The following ST6GALNAC3 variants were observed in gnomAD, a reference collection of about 807,000 sequenced individuals.
ST6GALNAC3 encodes alpha-N-acetylgalactosaminide alpha-2,6-sialyltransferase 3.
In ST6GALNAC3, 25 loss-of-function variants were observed where a neutral mutation model predicts 32.7. The ratio of observed to expected loss-of-function variants is 0.76; its 90% CI spans 0.56 to 1.07. The LOEUF is 1.07. Ranked by LOEUF, ST6GALNAC3 falls within the 50% of genes least tolerant of loss-of-function variation. The pLI is 0.00. For synonymous variants in ST6GALNAC3, 129 were observed against 133.1 expected (o/e 0.97, Z 0.21); for missense variants, 355 against 382.4 (o/e 0.93, Z 0.60).
At chr1:76,126,611 A>G (rs1450747811) in intron 1 of ST6GALNAC3, among the ~76,000 whole-genome samples, 1 of 152,168 alleles carries the variant, frequency 6.6e-6, no homozygotes, top group Non-Finnish European at 1.5e-5. Flanking sequence ...TCTGAGACGC[A>G]GCACTCAGCA....
chr1:76,593,720 C>A (rs1214284431), intron 3 of ST6GALNAC3, among the ~76,000 whole-genome samples: 1 of 152,074 alleles, frequency 6.6e-6, no homozygotes, highest in African/African-American at 2.4e-5. Flanking sequence ...TTTTTGAGTG[C>A]CTACTCCTTG....
At chr1:76,442,167 T>A (rs1656659996) in intron 3 of ST6GALNAC3, among the ~76,000 whole-genome samples, 1 of 152,172 alleles carries the variant, frequency 6.6e-6, no homozygotes, top group South Asian at 2.1e-4. Context: ...TGAGTTTATG[T>A]CCATTTCCCT....
At chr1:76,575,769 T>C (rs182670671) in intron 3 of ST6GALNAC3, among the ~76,000 whole-genome samples, 3 of 152,200 alleles carry the variant, frequency 2.0e-5, no homozygotes, top group Admixed American at 2.0e-4. Context: ...AAGCCCAGGC[T>C]TGGTAGTGTA....
At chr1:76,184,520 C>CACACACACACACACACAT (rs1491291997) in intron 1 of ST6GALNAC3, among the ~76,000 whole-genome samples, 21 of 10,284 alleles carry the variant, frequency 2.0e-3, no homozygotes, top group Middle Eastern at 0.05. Flanking sequence ...TCCTGGGCAG[C>CACACACACACACACACAT]ACACACACAC....
chr1:76,087,425 G>C (rs1004608165), intron 1 of ST6GALNAC3, among the ~76,000 whole-genome samples: 1 of 152,184 alleles, frequency 6.6e-6, no homozygotes, highest in Admixed American at 6.5e-5. Context: ...CACTTATAGA[G>C]AATCTAAGTA....
rs368175848 is a variant in ST6GALNAC3 at position 76,338,999 on chromosome 1, G to A, written c.213+25000G>A. 2.2e-4 allele frequency among the ~76,000 whole-genome samples: 34 copies of A among 152,194 alleles called. No individual in the cohort carries two copies. The East Asian group carries it at 3.3e-3, about 15-fold the overall frequency. ...AGAGGTCTAACACTGTCAATTGGTC[G>A]CCATCCTATTGTGAAGATCATCCCC... is the stretch of plus-strand genomic sequence containing the variant. On this transcript the variant is annotated intron_variant, in intron 2 of 4. Coordinates refer to ENST00000328299, the MANE Select transcript of ST6GALNAC3 (RefSeq NM_152996.4).
At chr1:76,180,121 C>T (rs1653085107) in intron 1 of ST6GALNAC3, among the ~76,000 whole-genome samples, 1 of 152,196 alleles carries the variant, frequency 6.6e-6, no homozygotes, top group Non-Finnish European at 1.5e-5. Flanking sequence ...ATTTTGTTTA[C>T]TGCAGATCCC....
chr1:76,629,688 G>A lies in ST6GALNAC3; in HGVS notation c.*882G>A. ...AGTAACCAAAGGGTTTGCTAACTCT[G>A]CTTCAACATCCAACAACACAAAACT... On this transcript the variant is annotated 3_prime_UTR_variant, in exon 5 of 5. Transcript: ENST00000328299. 1.0e-6 allele frequency: 1 copy of A among 985,426 alleles called. No homozygotes were observed. The highest frequency in any genetic ancestry group is 1.7e-5 in the African/African-American group (1 of 57,294). 61.0% of individuals were successfully genotyped at this position (985,426 alleles called of 1,614,324 possible). A position where few individuals can be genotyped will look rare whatever the true frequency, so the allele number is the denominator to read the frequency against.
chr1:76,162,291 G>T (rs909721781), intron 1 of ST6GALNAC3, among the ~76,000 whole-genome samples: 7 of 152,194 alleles, frequency 4.6e-5, no homozygotes, highest in Non-Finnish European at 1.0e-4. Flanking sequence ...CTCAAGAAAT[G>T]TTTAATTTGA....
chr1:76,106,746 CA>C (rs1411985735), intron 1 of ST6GALNAC3, among the ~76,000 whole-genome samples: 28 of 152,282 alleles, frequency 1.8e-4, no homozygotes, highest in Admixed American at 1.4e-3. Context: ...GCAACAATAA[CA>C]ACTAAAAACC....
intron 1 of ST6GALNAC3, among the ~76,000 whole-genome samples, chr1:76,187,194 C>G (rs937645890): frequency 2.0e-5 from 3 of 152,226 alleles, no homozygotes; most frequent in Non-Finnish European, 4.4e-5. Flanking sequence ...AAATAAATTA[C>G]TGCCTTCATT....
intron 3 of ST6GALNAC3, among the ~76,000 whole-genome samples, chr1:76,417,146 T>C (rs1654699562): frequency 6.6e-6 from 1 of 152,008 alleles, no homozygotes; most frequent in Non-Finnish European, 1.5e-5. Context: ...TGGGAAAGGC[T>C]AAGAGAGCAG....
At chr1:76,277,925 A>T (rs538734386) in intron 1 of ST6GALNAC3, among the ~76,000 whole-genome samples, 5 of 152,106 alleles carry the variant, frequency 3.3e-5, no homozygotes, top group Admixed American at 3.3e-4. Context: ...GTCTGGTTAC[A>T]CAAGTCTCCT....
chr1:76,241,235 AATATATAAAATAGGT>A (rs903634349), intron 1 of ST6GALNAC3, among the ~76,000 whole-genome samples: 16 of 152,220 alleles, frequency 1.1e-4, no homozygotes, highest in African/African-American at 3.9e-4. Context: ...GCTATAAAGG[AATATATAAAATAGGT>A]AATTTATACA....
intron 3 of ST6GALNAC3, among the ~76,000 whole-genome samples, chr1:76,508,311 G>T (rs1174090890): frequency 6.6e-6 from 1 of 152,140 alleles, no homozygotes; most frequent in African/African-American, 2.4e-5. Context: ...AGGCAGTAAT[G>T]CTCGCTTGCC....
intron 1 of ST6GALNAC3, among the ~76,000 whole-genome samples, chr1:76,273,906 G>A (rs998467912): frequency 1.3e-5 from 2 of 152,166 alleles, no homozygotes; most frequent in African/African-American, 2.4e-5. Context: ...CTTTATGGGA[G>A]TCTATTGTTA....
chr1:76,230,433 C>G (rs1656306804), intron 1 of ST6GALNAC3, among the ~76,000 whole-genome samples: 2 of 152,102 alleles, frequency 1.3e-5, no homozygotes, highest in South Asian at 4.1e-4. Context: ...GATGAAAGAT[C>G]TACATTATTT....
chr1:76,298,614 G>A (rs1301595536), intron 1 of ST6GALNAC3, among the ~76,000 whole-genome samples: 5 of 152,058 alleles, frequency 3.3e-5, no homozygotes, highest in African/African-American at 4.8e-5. Context: ...TGGGAGTGGT[G>A]TCTGGTATCC....
chr1:76,622,964 G>GA (rs1648741187), intron 3 of ST6GALNAC3, among the ~76,000 whole-genome samples: 1 of 151,938 alleles, frequency 6.6e-6, no homozygotes, highest in Admixed American at 6.6e-5. Context: ...GAAATGAGAA[G>GA]AGGACAGAGT....
Sources: gnomAD v4.1 joint callset for allele counts (sites outside exome capture counted in the v4.1 genomes callset) on GRCh38, gnomAD v4.1.1 for gene constraint, MANE v1.5 for transcripts, NCBI Gene and HGNC (gene_info 2026-07-23, HGNC 2026-07-21) for gene names.